Variants in PBX1 observed in about 807,000 individuals in gnomAD.
PBX1 encodes the protein PBX homeobox 1, also known as pre-B-cell leukemia transcription factor 1.
In PBX1, 6 loss-of-function variants were observed where a neutral mutation model predicts 53.4. The observed-to-expected ratio is 0.11, with a 90% CI of 0.06 to 0.22. PBX1 has a LOEUF of 0.22. Among genes scored for constraint, PBX1 ranks in the 10% least tolerant of loss-of-function variants. The probability of loss-of-function intolerance (pLI) is 1.00; values close to 1 mark genes in which losing one functional copy is unlikely to be tolerated. For synonymous variants in PBX1, 204 were observed against 212.3 expected (o/e 0.96, Z 0.34); for missense variants, 251 against 551.4 (o/e 0.46, Z 5.46).
intron 2 of PBX1, among the ~76,000 whole-genome samples, chr1:164,878,256 T>C (rs1409247685): frequency 2.0e-5 from 3 of 152,164 alleles, no homozygotes; most frequent in Non-Finnish European, 4.4e-5. Flanking sequence ...CTGTGAGGAT[T>C]AGATGAGATA....
chr1:164,861,304 G>T (rs1315537948), intron 2 of PBX1, among the ~76,000 whole-genome samples: 1 of 152,118 alleles, frequency 6.6e-6, no homozygotes, highest in East Asian at 1.9e-4. Flanking sequence ...TTGTCGTTTT[G>T]TTTAAGAGCA....
intron 2 of PBX1, among the ~76,000 whole-genome samples, chr1:164,711,819 G>A: frequency 6.6e-6 from 1 of 152,242 alleles, no homozygotes; most frequent in East Asian, 1.9e-4. Context: ...CAGCCATCGT[G>A]TGCTGAAAGC....
chr1:164,676,817 G>C (rs909342959), intron 2 of PBX1, among the ~76,000 whole-genome samples: 1 of 152,288 alleles, frequency 6.6e-6, no homozygotes, highest in African/African-American at 2.4e-5. Context: ...CCCTGAGGGG[G>C]CTCAGGTCTG....
chr1:164,783,031 G>A (rs369190750), intron 2 of PBX1, among the ~76,000 whole-genome samples: 1 of 152,216 alleles, frequency 6.6e-6, no homozygotes, highest in African/African-American at 2.4e-5. Context: ...CAGCTCGTCT[G>A]ACACAAGGTG....
At chr1:164,615,687 C>G (rs1345525732) in intron 2 of PBX1, among the ~76,000 whole-genome samples, 22 of 152,182 alleles carry the variant, frequency 1.4e-4, no homozygotes. Flanking sequence ...ACCAGACTGA[C>G]TTTTGTGTGG....
At chr1:164,717,444 G>T (rs1346438424) in intron 2 of PBX1, among the ~76,000 whole-genome samples, 1 of 152,162 alleles carries the variant, frequency 6.6e-6, no homozygotes, top group African/African-American at 2.4e-5. Flanking sequence ...GGGTGTTCTG[G>T]TGGCCCTTCC....
intron 8 of PBX1, among the ~76,000 whole-genome samples, chr1:164,841,634 G>T (rs1421296573): frequency 6.6e-6 from 1 of 152,136 alleles, no homozygotes; most frequent in Non-Finnish European, 1.5e-5. Context: ...AGTGCTGTCT[G>T]TGTAATCTTG....
At chr1:164,689,547 T>A (rs1195577010) in intron 2 of PBX1, among the ~76,000 whole-genome samples, 2 of 152,180 alleles carry the variant, frequency 1.3e-5, no homozygotes, top group East Asian at 1.9e-4. Context: ...GAAATTTTTT[T>A]AATCCTCCAT....
At chr1:164,762,703 T>C (rs1009167544) in intron 2 of PBX1, among the ~76,000 whole-genome samples, 11 of 152,172 alleles carry the variant, frequency 7.2e-5, no homozygotes, top group African/African-American at 2.7e-4. Flanking sequence ...TATTCCATAT[T>C]TTTCAAGTAG....
chr1:164,736,138 T>C (rs1237776782), intron 2 of PBX1, among the ~76,000 whole-genome samples: 1 of 152,172 alleles, frequency 6.6e-6, no homozygotes, highest in African/African-American at 2.4e-5. Flanking sequence ...ATCCAGCCTC[T>C]TCCCACTGCA....
chr1:164,649,086 C>A (rs1659632754), intron 2 of PBX1, among the ~76,000 whole-genome samples: 1 of 152,080 alleles, frequency 6.6e-6, no homozygotes, highest in Non-Finnish European at 1.5e-5. Context: ...GGGGTCCATG[C>A]TAGAATGTAC....
At chr1:164,748,164 A>G (rs553544380) in intron 2 of PBX1, among the ~76,000 whole-genome samples, 1 of 152,360 alleles carries the variant, frequency 6.6e-6, no homozygotes, top group Admixed American at 6.5e-5. Context: ...CTAATAGTGT[A>G]TGTCAAATCC....
chr1:164,585,131 GAC>G lies in PBX1; in HGVS notation c.265+21822_265+21823del, dbSNP rs1024918706. 5.3e-5 allele frequency among the ~76,000 whole-genome samples: 8 copies of G among 152,166 alleles called. No individual in the cohort carries two copies. The East Asian group carries it at 1.3e-3, about 26-fold the overall frequency. On this transcript the variant is annotated intron_variant, in intron 2 of 8. Coordinates refer to ENST00000420696, the MANE Select transcript of PBX1 (RefSeq NM_002585.4). ...TGGAGGCAAGGGAAAGAATGGAATG[GAC>G]ATCTTTCTGGGCACACTCCTCACTC...
chr1:164,786,718 T>TGTGTGCGCGC (rs1391268022), intron 2 of PBX1, among the ~76,000 whole-genome samples: 1 of 100,052 alleles, frequency 1.0e-5, no homozygotes, highest in African/African-American at 4.3e-5. Context: ...TGTGTGTGTG[T>TGTGTGCGCGC]GTGCGCGCGC....
At chr1:164,707,059 T>A (rs1027780546) in intron 2 of PBX1, among the ~76,000 whole-genome samples, 1 of 152,082 alleles carries the variant, frequency 6.6e-6, no homozygotes, top group Non-Finnish European at 1.5e-5. Flanking sequence ...CTCTGGAGGC[T>A]GAAAGGGAGT....
At chr1:164,667,612 C>T (rs1002427140) in intron 2 of PBX1, among the ~76,000 whole-genome samples, 1 of 152,160 alleles carries the variant, frequency 6.6e-6, no homozygotes, top group African/African-American at 2.4e-5. Flanking sequence ...AATAGTTTCA[C>T]AGTAGATCAT....
At chr1:164,680,595 C>G (rs1661702309) in intron 2 of PBX1, 1 of 152,170 alleles carries the variant, frequency 6.6e-6, no homozygotes, top group Non-Finnish European at 1.5e-5. Flanking sequence ...AAGAAGATCA[C>G]AGAATCATAA....
At chr1:164,846,084 T>A (rs1409496308) in intron 8 of PBX1, among the ~76,000 whole-genome samples, 1 of 152,080 alleles carries the variant, frequency 6.6e-6, no homozygotes, top group Non-Finnish European at 1.5e-5. Context: ...GCATCTAGTA[T>A]AGAACCTTGT....
intron 2 of PBX1, among the ~76,000 whole-genome samples, chr1:164,883,786 C>T (rs1672715305): frequency 6.6e-6 from 1 of 152,160 alleles, no homozygotes; most frequent in South Asian, 2.1e-4. Context: ...TACTCAGAAA[C>T]AAGTACAAAT....
Sources: gnomAD v4.1 joint callset for allele counts (sites outside exome capture counted in the v4.1 genomes callset) on GRCh38, gnomAD v4.1.1 for gene constraint, MANE v1.5 for transcripts, NCBI Gene and HGNC (gene_info 2026-07-23, HGNC 2026-07-21) for gene names.